Variants in SCN8A observed in about 807,000 individuals in gnomAD.
SCN8A encodes sodium voltage-gated channel alpha subunit 8.
A neutral mutation model predicts 184.1 loss-of-function variants in SCN8A; 30 were observed. The ratio of observed to expected loss-of-function variants is 0.16; its 90% confidence interval spans 0.12 to 0.22. The LOEUF (loss-of-function observed/expected upper bound fraction) is 0.22, where lower values mean the gene tolerates loss of function less well. Ranked by LOEUF, SCN8A falls within the 10% of genes least tolerant of loss-of-function variation. The pLI, the probability that SCN8A is intolerant of heterozygous loss-of-function variation, is 1.00. For missense variants in SCN8A, 1,057 were observed against 2,498.9 expected (o/e 0.42, Z 12.30); for synonymous variants, 852 against 907.0 (o/e 0.94, Z 1.09).
intron 12 of SCN8A, among the ~76,000 whole-genome samples, chr12:51,732,400 G>A (rs1369352699): frequency 6.6e-6 from 1 of 152,094 alleles, no homozygotes; most frequent in Non-Finnish European, 1.5e-5. Flanking sequence ...ATTTATTTCT[G>A]GGTTCTCTAT....
chr12:51,760,640 G>A (rs974025755), intron 14 of SCN8A, among the ~76,000 whole-genome samples: 6 of 152,246 alleles, frequency 3.9e-5, no homozygotes, highest in African/African-American at 1.4e-4. Flanking sequence ...CACTAAGGGT[G>A]AAATGTATGT....
At chr12:51,665,914 T>C (rs905317713) in intron 2 of SCN8A, among the ~76,000 whole-genome samples, 4 of 151,848 alleles carry the variant, frequency 2.6e-5, no homozygotes, top group African/African-American at 9.7e-5. Context: ...ATACAAAAAT[T>C]AGCTGGGTAT....
At chr12:51,712,480 A>G (rs532395176) in intron 11 of SCN8A, 9 of 768,750 alleles carry the variant, frequency 1.2e-5, no homozygotes, top group South Asian at 2.7e-5. Flanking sequence ...TTCTGCTACT[A>G]TATCCACCAC....
intron 14 of SCN8A, among the ~76,000 whole-genome samples, chr12:51,761,390 C>CCAA (rs1374662167): frequency 2.0e-5 from 3 of 151,852 alleles, no homozygotes; most frequent in East Asian, 3.9e-4. Flanking sequence ...ACCGAAGTCT[C>CCAA]CAACAATAGG....
chr12:51,676,031 G>GA (rs1372561177), intron 2 of SCN8A, among the ~76,000 whole-genome samples: 1 of 152,088 alleles, frequency 6.6e-6, no homozygotes, highest in East Asian at 1.9e-4. Context: ...TTTAAAATAC[G>GA]GGATTTAGTG....
rs1939753132 is a variant in SCN8A, at chr12:51,612,913, G to C, written c.-55+21554G>C. 2.0e-5 allele frequency among the ~76,000 whole-genome samples: 3 copies of C among 152,070 alleles called. 1 individual carries two copies. In the South Asian group the frequency reaches 6.2e-4, roughly 32 times the overall value. ...ATTTTTTGTATTTTTAGTAGAGATG[G>C]GGTTTCACCATATTGGCCAGACTGG... On this transcript the variant is annotated intron_variant, in intron 1 of 26. Transcript: ENST00000627620.
chr12:51,634,354 G>C (rs1940266461), intron 1 of SCN8A, among the ~76,000 whole-genome samples: 1 of 152,142 alleles, frequency 6.6e-6, no homozygotes, highest in Non-Finnish European at 1.5e-5. Context: ...GGTTAGAGAG[G>C]AATTGTATGG....
intron 1 of SCN8A, among the ~76,000 whole-genome samples, chr12:51,615,997 G>A (rs1344001755): frequency 1.3e-5 from 2 of 152,122 alleles, no homozygotes; most frequent in Non-Finnish European, 2.9e-5. Context: ...CTCCCAAAAT[G>A]GTGAGACTAC....
chr12:51,769,718 G>A (rs1434893578), intron 17 of SCN8A, 150 bp from the exon 18 acceptor site: 6 of 645,996 alleles, frequency 9.3e-6, no homozygotes, highest in East Asian at 5.5e-5. Flanking sequence ...TTGGGGGCCC[G>A]TGGATATGGT....
intron 11 of SCN8A, among the ~76,000 whole-genome samples, chr12:51,720,905 A>G (rs1242723098): frequency 6.6e-6 from 1 of 151,554 alleles, no homozygotes. Flanking sequence ...GTCTGTACTA[A>G]AAATACAAAA....
At chr12:51,697,661 G>T (rs895400667) in intron 6 of SCN8A, among the ~76,000 whole-genome samples, 10 of 152,260 alleles carry the variant, frequency 6.6e-5, no homozygotes, top group African/African-American at 2.4e-4. Context: ...CCAGCTATGT[G>T]CCAGGAACTT....
At chr12:51,666,980 T>G (rs1941045309) in intron 2 of SCN8A, among the ~76,000 whole-genome samples, 1 of 152,212 alleles carries the variant, frequency 6.6e-6, no homozygotes, top group African/African-American at 2.4e-5. Context: ...ACTTTACATT[T>G]TCTTTGTCTC....
chr12:51,701,932 A>G (rs1014331488), intron 8 of SCN8A, among the ~76,000 whole-genome samples: 2 of 152,186 alleles, frequency 1.3e-5, no homozygotes, highest in African/African-American at 4.8e-5. Context: ...AAGAAATATG[A>G]GATGAATCTA....
chr12:51,630,107 A>C (rs1299085137), intron 1 of SCN8A, among the ~76,000 whole-genome samples: 1 of 152,190 alleles, frequency 6.6e-6, no homozygotes, highest in African/African-American at 2.4e-5. Context: ...AATTGTGGTA[A>C]AATATACATA....
At position 51,786,655 on chromosome 12, in the gene SCN8A, G is replaced by A. The variant is rs1254764629; in HGVS notation, c.4056G>A (p.Lys1352=). The A allele has an allele frequency of 2.5e-6, 4 of 1,613,908 alleles. No individual in the cohort carries two copies. The highest frequency in any genetic ancestry group is 1.3e-5 in the African/African-American group (1 of 74,918). ...TGGGAGTTAACTTGTTTGCGGGAAA[G>A]TACCACTACTGCTTTAATGAGACTT... is the stretch of plus-strand genomic sequence containing the variant. ...SIMGVNLFAG[K]YHYCFNETSE... Residue 1352 remains lysine, a synonymous_variant, in exon 22 of 27, where the codon AAG becomes AAA. Coordinates refer to ENST00000627620, the MANE Select transcript of SCN8A (RefSeq NM_001330260.2).
chr12:51,744,721 A>G (rs897989207), intron 12 of SCN8A, among the ~76,000 whole-genome samples: 1 of 151,774 alleles, frequency 6.6e-6, no homozygotes, highest in Non-Finnish European at 1.5e-5. Context: ...CTGGGACTAC[A>G]GGCTAATGAA....
intron 12 of SCN8A, among the ~76,000 whole-genome samples, chr12:51,739,615 C>G (rs1385382998): frequency 6.6e-6 from 1 of 152,142 alleles, no homozygotes; most frequent in African/African-American, 2.4e-5. Context: ...CATTGTTACC[C>G]TGAGGCATCC....
intron 6 of SCN8A, chr12:51,689,302 A>G: frequency 3.6e-6 from 2 of 549,398 alleles, no homozygotes; most frequent in East Asian, 5.8e-5. Context: ...CCCCCATTCC[A>G]TCCATGCTAT....
At chr12:51,739,746 T>C (rs1343889480) in intron 12 of SCN8A, among the ~76,000 whole-genome samples, 1 of 152,122 alleles carries the variant, frequency 6.6e-6, no homozygotes, top group Admixed American at 6.5e-5. Flanking sequence ...CCCCCACGAA[T>C]GGACGCCACT....
Sources: gnomAD v4.1 joint callset for allele counts (sites outside exome capture counted in the v4.1 genomes callset) on GRCh38, gnomAD v4.1.1 for gene constraint, MANE v1.5 for transcripts, NCBI Gene and HGNC (gene_info 2026-07-23, HGNC 2026-07-21) for gene names.